The following SDCBP variants were observed in gnomAD, a reference collection of about 807,000 sequenced individuals.
The protein encoded by SDCBP is syntenin-1.
A neutral mutation model predicts 30.5 loss-of-function variants in SDCBP; 22 were observed. The observed-to-expected ratio is 0.72, with a 90% confidence interval of 0.52 to 1.03. The LOEUF (loss-of-function observed/expected upper bound fraction) is 1.03. Among genes scored for constraint, SDCBP ranks in the 50% least tolerant of loss-of-function variants. The pLI is 0.00. For synonymous variants in SDCBP, 103 were observed against 118.7 expected (o/e 0.87, Z 0.86); for missense variants, 304 against 369.9 (o/e 0.82, Z 1.46).
intron 1 of SDCBP, among the ~76,000 whole-genome samples, chr8:58,558,201 A>G (rs1475596049): frequency 3.3e-5 from 5 of 152,214 alleles, no homozygotes; most frequent in African/African-American, 4.8e-5. Flanking sequence ...GATCTTTTCA[A>G]TAAGTGTTTA....
At chr8:58,556,294 G>A (rs1035764437) in intron 1 of SDCBP, among the ~76,000 whole-genome samples, 1 of 152,114 alleles carries the variant, frequency 6.6e-6, no homozygotes. Flanking sequence ...TTCACAATAG[G>A]GTTCCTGCTC....
intron 1 of SDCBP, among the ~76,000 whole-genome samples, chr8:58,564,597 C>T (rs1804607922): frequency 6.6e-6 from 1 of 152,124 alleles, no homozygotes; most frequent in South Asian, 2.1e-4. Flanking sequence ...ATATGATCTG[C>T]TTTTAGGCTT....
chr8:58,569,306 G>C (rs1016217531), intron 2 of SDCBP, among the ~76,000 whole-genome samples: 1 of 137,124 alleles, frequency 7.3e-6, no homozygotes, highest in Non-Finnish European at 1.5e-5. Context: ...GACTTCAGGT[G>C]ATCTGCCCAC....
Position 58,571,041 on chromosome 8 carries a change from GA to G in SDCBP, c.130+77del, listed in dbSNP as rs376329811. ...TCTTTTGCTCATATAAGGAATCCAA[GA>G]TTTTTTTTTGGACAGGCTGCATAAA... On this transcript the variant is annotated intron_variant, in intron 3 of 8. Coordinates refer to ENST00000260130, the MANE Select transcript of SDCBP (RefSeq NM_005625.4). The G allele has an allele frequency of 2.3e-3, 2,621 of 1,145,122 alleles. 62 individuals carry two copies. In the African/African-American group the frequency reaches 0.036, roughly 16 times the overall value. 70.9% of individuals were successfully genotyped at this position (1,145,122 alleles called of 1,614,324 possible).
chr8:58,573,686 G>A (rs1339285937), intron 4 of SDCBP, among the ~76,000 whole-genome samples: 1 of 152,170 alleles, frequency 6.6e-6, no homozygotes, highest in Non-Finnish European at 1.5e-5. Context: ...ACTGACAGGA[G>A]CAGGAGGCAC....
chr8:58,572,380 C>T (rs928651322), intron 4 of SDCBP, 66 bp downstream of exon 4: 2 of 1,063,958 alleles, frequency 1.9e-6, no homozygotes, highest in African/African-American at 1.6e-5. Context: ...ATAAGCTTTC[C>T]TCTTTGTGGC....
intron 1 of SDCBP, 33 bp from the exon 2 acceptor site, chr8:58,564,986 A>G (rs756830111): frequency 1.6e-6 from 2 of 1,225,366 alleles, no homozygotes; most frequent in Non-Finnish European, 2.4e-6. Flanking sequence ...TTTCTATGAC[A>G]TTAGAGTAAT....
intron 8 of SDCBP, 55 bp downstream of exon 8, chr8:58,580,663 A>G: frequency 1.1e-6 from 1 of 915,504 alleles, no homozygotes; most frequent in South Asian, 1.4e-5. Context: ...TAATATAAGC[A>G]CTATACTTTA....
At chr8:58,580,462 G>A in intron 7 of SDCBP, 55 bp from the exon 8 acceptor site, 1 of 874,778 alleles carries the variant, frequency 1.1e-6, no homozygotes, top group South Asian at 1.4e-5. Context: ...GCATAGTTTT[G>A]TATTTATTAA....
intron 2 of SDCBP, among the ~76,000 whole-genome samples, chr8:58,567,863 A>G (rs1251147154): frequency 6.6e-6 from 1 of 152,190 alleles, no homozygotes. Context: ...CTAAACACAG[A>G]AAAGGTATGG....
intron 2 of SDCBP, 90 bp downstream of exon 2, chr8:58,565,174 A>G (rs1011795892): frequency 3.5e-6 from 2 of 573,634 alleles, no homozygotes; most frequent in Non-Finnish European, 6.0e-6. Flanking sequence ...TAAATAGCAG[A>G]TATATTTGTT....
At chr8:58,565,783 T>C (rs903447609) in intron 2 of SDCBP, among the ~76,000 whole-genome samples, 8 of 152,148 alleles carry the variant, frequency 5.3e-5, no homozygotes, top group African/African-American at 1.9e-4. Flanking sequence ...GGGGGTAATT[T>C]GTAGTATATG....
chr8:58,562,319 A>AT (rs201303490), intron 1 of SDCBP, among the ~76,000 whole-genome samples: 2,407 of 152,194 alleles, frequency 0.016, 71 homozygotes, highest in African/African-American at 0.056. Flanking sequence ...GATACTTTTT[A>AT]TTTTTTTACA....
chr8:58,574,559 G>A lies in SDCBP; in HGVS notation c.241-1341G>A, dbSNP rs377533005. Among the ~76,000 whole-genome samples the A allele has an allele frequency of 1.9e-3, 282 of 152,050 alleles. 2 individuals carry two copies. The highest frequency in any genetic ancestry group is 2.9e-3 in the African/African-American group (119 of 41,444). On this transcript the variant is annotated intron_variant, in intron 4 of 8. Transcript: ENST00000260130. ...CATCTCCAGGGTTCTTCAGTGCGCC[G>A]CCTTTTATTTTTCTTCTGTTCTATT...
intron 5 of SDCBP, 56 bp downstream of exon 5, chr8:58,576,117 TTAA>T: frequency 7.9e-7 from 1 of 1,258,090 alleles, no homozygotes; most frequent in Non-Finnish European, 1.1e-6. Context: ...TAATAAGTGA[TTAA>T]TGTTAAAATA....
chr8:58,577,343 C>T (rs578224568), intron 5 of SDCBP, among the ~76,000 whole-genome samples: 1 of 152,328 alleles, frequency 6.6e-6, no homozygotes, highest in African/African-American at 2.4e-5. Context: ...TTTTGTTCAA[C>T]TTCTGATTGA....
At chr8:58,557,666 G>T (rs1184988388) in intron 1 of SDCBP, among the ~76,000 whole-genome samples, 1 of 151,906 alleles carries the variant, frequency 6.6e-6, no homozygotes, top group Non-Finnish European at 1.5e-5. Context: ...CACAGAGATT[G>T]CAAATAATGT....
rs770186719 is a variant in SDCBP at position 58,581,735 on chromosome 8, G to A, written c.892G>A (p.Val298Ile). The A allele has an allele frequency of 9.3e-5, 150 of 1,611,734 alleles. No individual in the cohort carries two copies. Among genetic ancestry groups the A allele is most frequent in the Non-Finnish European group, 1.2e-4 (146 of 1,179,060 alleles). Reference protein sequence around the residue: ...KSLMDHTIPEV With the variant: ...KSLMDHTIPEI Reference sequence around the variant, plus strand: ...CCTAATGGACCACACCATTCCTGAGGTTTAAAATTCACGGCACCATGGAAA... The same window carrying A: ...CCTAATGGACCACACCATTCCTGAGATTTAAAATTCACGGCACCATGGAAA... The change falls in exon 9 of 9, where the codon GTT becomes ATT. Residue 298 changes from valine (V) to isoleucine (I), a missense_variant. By Grantham distance (29) the Val-to-Ile change is conservative. Transcript: ENST00000260130.
At position 58,580,561 on chromosome 8, in the gene SDCBP, T is replaced by C; in HGVS notation, c.795T>C (p.Val265=). The change falls in exon 8 of 9, where the codon GTT becomes GTC. Residue 265 remains valine, a synonymous_variant. Transcript: ENST00000260130. The stretch of plus-strand genomic sequence containing the variant: ...TACTGTCAACATCTGGGACTGTAGT[T>C]ACTATTACAATCATGCCTGCTTTTA... ...ADILSTSGTV[V]TITIMPAFIF... 6.3e-7 allele frequency: 1 copy of C among 1,597,108 alleles called. No individual in the cohort carries two copies. The highest frequency in any genetic ancestry group is 1.7e-5 in the Admixed American group (1 of 59,916).
Sources: gnomAD v4.1 joint callset for allele counts (sites outside exome capture counted in the v4.1 genomes callset) on GRCh38, gnomAD v4.1.1 for gene constraint, MANE v1.5 for transcripts, NCBI Gene and HGNC (gene_info 2026-07-23, HGNC 2026-07-21) for gene names.